The following SSPN variants were observed in gnomAD, a reference collection of about 807,000 sequenced individuals.
SSPN encodes sarcospan.
In SSPN, 15 loss-of-function variants were observed where a neutral mutation model predicts 19.1. That is an observed-to-expected ratio of 0.78 (90% CI 0.52 to 1.21). The LOEUF is 1.21. SSPN is among the 50% of genes most tolerant of loss of function. The probability of loss-of-function intolerance (pLI) is 0.00; values close to 1 mark genes in which losing one functional copy is unlikely to be tolerated. For synonymous variants in SSPN, 147 were observed against 140.3 expected (o/e 1.05, Z -0.34); for missense variants, 291 against 314.0 (o/e 0.93, Z 0.55).
intron 1 of SSPN, among the ~76,000 whole-genome samples, chr12:26,143,079 T>G (rs1017904432): frequency 6.6e-6 from 1 of 152,252 alleles, no homozygotes; most frequent in Admixed American, 6.5e-5. Context: ...TCTTTGTAGT[T>G]CTCAGTAGGA....
chr12:26,133,061 C>T (rs1217902575), intron 1 of SSPN, among the ~76,000 whole-genome samples: 1 of 152,162 alleles, frequency 6.6e-6, no homozygotes, highest in Admixed American at 6.5e-5. Context: ...ATTACAATGA[C>T]CCATAACCTC....
chr12:26,151,962 A>G (rs1944528421), intron 1 of SSPN, among the ~76,000 whole-genome samples: 1 of 152,218 alleles, frequency 6.6e-6, no homozygotes, highest in Non-Finnish European at 1.5e-5. Context: ...AAGGAGGGGA[A>G]AGAGATGTCA....
chr12:26,197,152 A>G (rs1944837449), intron 1 of SSPN, among the ~76,000 whole-genome samples: 1 of 152,214 alleles, frequency 6.6e-6, no homozygotes, highest in African/African-American at 2.4e-5. Flanking sequence ...TTGCATCCTT[A>G]CTGCTATTAC....
intron 1 of SSPN, among the ~76,000 whole-genome samples, chr12:26,158,838 T>C (rs1050575465): frequency 1.3e-5 from 2 of 152,248 alleles, no homozygotes; most frequent in African/African-American, 4.8e-5. Flanking sequence ...GTTGGCCTCA[T>C]ACCATGGGCA....
intron 2 of SSPN, among the ~76,000 whole-genome samples, chr12:26,228,353 C>T (rs1945197547): frequency 6.9e-6 from 1 of 145,976 alleles, no homozygotes; most frequent in Non-Finnish European, 1.5e-5. Flanking sequence ...GAGCTGAGAT[C>T]AAGCCACTGC....
chr12:26,136,059 G>T (rs1285491904), intron 1 of SSPN, among the ~76,000 whole-genome samples: 1 of 152,138 alleles, frequency 6.6e-6, no homozygotes, highest in Non-Finnish European at 1.5e-5. Context: ...AAAATAAATT[G>T]TGTCTGTACT....
intron 1 of SSPN, among the ~76,000 whole-genome samples, chr12:26,170,666 T>C (rs1944648847): frequency 6.6e-6 from 1 of 152,238 alleles, no homozygotes; most frequent in Non-Finnish European, 1.5e-5. Context: ...TTGCTAATTC[T>C]AAGTAAGCTA....
chr12:26,154,948 T>C (rs1239926467), intron 1 of SSPN, among the ~76,000 whole-genome samples: 2 of 152,172 alleles, frequency 1.3e-5, no homozygotes, highest in African/African-American at 4.8e-5. Context: ...CATGACAGTG[T>C]AATGACAGAG....
At chr12:26,202,627 A>G (rs1944896559) in intron 1 of SSPN, among the ~76,000 whole-genome samples, 1 of 152,214 alleles carries the variant, frequency 6.6e-6, no homozygotes. Flanking sequence ...ATAGATTGCC[A>G]ATATGATGCC....
chr12:26,140,594 C>G (rs1944454759), intron 1 of SSPN, among the ~76,000 whole-genome samples: 1 of 152,102 alleles, frequency 6.6e-6, no homozygotes, highest in Admixed American at 6.6e-5. Flanking sequence ...TGGATTTTCC[C>G]CTCGCTGTTT....
chr12:26,182,864 G>T (rs549524805), intron 1 of SSPN, among the ~76,000 whole-genome samples: 1 of 151,444 alleles, frequency 6.6e-6, no homozygotes, highest in African/African-American at 2.4e-5. Context: ...CCAGGTTCAA[G>T]TGATTCTCCA....
chr12:26,145,785 T>C (rs1944486774), intron 1 of SSPN, among the ~76,000 whole-genome samples: 1 of 152,202 alleles, frequency 6.6e-6, no homozygotes, highest in Non-Finnish European at 1.5e-5. Flanking sequence ...TCCGCCCTCG[T>C]GCCCCTCTGA....
intron 1 of SSPN, among the ~76,000 whole-genome samples, chr12:26,214,144 C>A (rs988095873): frequency 6.6e-6 from 1 of 152,062 alleles, no homozygotes; most frequent in African/African-American, 2.4e-5. Flanking sequence ...ATTTAAAAGC[C>A]AATTATTAAC....
chr12:26,126,484 C>T (rs1944365482), intron 1 of SSPN: 1 of 152,228 alleles, frequency 6.6e-6, no homozygotes, highest in African/African-American at 2.4e-5. Flanking sequence ...GTACATGCAC[C>T]AGGGCGCAGC....
intron 1 of SSPN, among the ~76,000 whole-genome samples, chr12:26,141,116 A>G (rs10771262): frequency 0.54 from 81,709 of 152,098 alleles, 25,091 homozygotes; most frequent in Non-Finnish European, 0.67. Context: ...AAATGTGACT[A>G]TATTAAGGAT....
intron 1 of SSPN, among the ~76,000 whole-genome samples, chr12:26,174,865 A>G (rs1026279370): frequency 1.3e-5 from 2 of 152,080 alleles, no homozygotes; most frequent in Admixed American, 1.3e-4. Context: ...TTCTGCCTCT[A>G]TAGATTAGTT....
intron 1 of SSPN, chr12:26,122,411 G>T (rs1005000979): frequency 3.0e-6 from 4 of 1,317,062 alleles, no homozygotes; most frequent in East Asian, 3.4e-5. Flanking sequence ...GGCCGCTCTT[G>T]TCCAGGAAGG....
intron 1 of SSPN, among the ~76,000 whole-genome samples, chr12:26,175,839 GTT>G (rs57740060): frequency 0.14 from 19,921 of 139,432 alleles, 2,826 homozygotes; most frequent in African/African-American, 0.37. Flanking sequence ...TTTATTTTGA[GTT>G]TTTTTTTTTT....
Position 26,230,889 on chromosome 12 carries a change from C to T in SSPN, c.545C>T (p.Thr182Met), listed in dbSNP as rs200190223. ...AGGACCTTTGTTTACCGGGATGTGA[C>T]GGACTGTACCAGCGTCACTGGCACT... ...LSRTFVYRDV[T>M]DCTSVTGTFK... The change falls in exon 3 of 3, where the codon ACG (threonine) becomes ATG (methionine). Residue 182 changes from threonine (T) to methionine (M), a missense_variant. By Grantham distance (81) the Thr-to-Met change is moderately conservative. Transcript: ENST00000242729. The T allele has an allele frequency of 2.5e-5, 41 of 1,614,166 alleles. No individual in the cohort carries two copies. In the East Asian group the frequency reaches 4.7e-4, roughly 18 times the overall value.
Sources: gnomAD v4.1 joint callset for allele counts (sites outside exome capture counted in the v4.1 genomes callset) on GRCh38, gnomAD v4.1.1 for gene constraint, MANE v1.5 for transcripts, NCBI Gene and HGNC (gene_info 2026-07-23, HGNC 2026-07-21) for gene names.